The following FOCAD variants were observed in gnomAD, a reference collection of about 807,000 sequenced individuals.
FOCAD encodes the protein KIAA1797.
In FOCAD, 198 loss-of-function variants were observed where a neutral mutation model predicts 225.6. The observed-to-expected ratio is 0.88, with a 90% confidence interval of 0.78 to 0.99. The LOEUF (loss-of-function observed/expected upper bound fraction) is 0.99. Ranked by LOEUF, FOCAD falls within the 50% of genes least tolerant of loss-of-function variation. The pLI is 0.00. For synonymous variants in FOCAD, 897 were observed against 755.0 expected, an observed-to-expected ratio of 1.19 and a Z score of -3.08; for missense variants, 2,713 against 2,123.6, an observed-to-expected ratio of 1.28 and a Z score of -5.46.
intron 35 of FOCAD, among the ~76,000 whole-genome samples, chr9:20,967,439 A>C (rs1223840558): frequency 6.6e-6 from 1 of 152,096 alleles, no homozygotes; most frequent in Non-Finnish European, 1.5e-5. Flanking sequence ...GATTTTCTCT[A>C]TATAGGATCA....
intron 35 of FOCAD, among the ~76,000 whole-genome samples, chr9:20,966,778 C>T (rs555918483): frequency 6.6e-6 from 1 of 152,056 alleles, no homozygotes; most frequent in South Asian, 2.1e-4. Flanking sequence ...ATCATTCTTT[C>T]CCCCATTGAA....
chr9:20,672,344 C>T (rs180926121), intron 2 of FOCAD, among the ~76,000 whole-genome samples: 3 of 152,322 alleles, frequency 2.0e-5, no homozygotes, highest in Admixed American at 2.0e-4. Context: ...GCTGGTTTGA[C>T]TATTGAGCAT....
At chr9:20,847,560 T>A (rs1827243333) in intron 15 of FOCAD, among the ~76,000 whole-genome samples, 2 of 151,872 alleles carry the variant, frequency 1.3e-5, no homozygotes, top group African/African-American at 4.8e-5. Flanking sequence ...TATATTTAGT[T>A]GGTGTGACAA....
At position 20,912,859 on chromosome 9, in the gene FOCAD, T is replaced by C; in HGVS notation, c.2719-7T>C. On this transcript the variant is annotated splice_polypyrimidine_tract_variant and splice_region_variant and intron_variant, in intron 22 of 43. Coordinates refer to ENST00000338382, the MANE Select transcript of FOCAD (RefSeq NM_001375567.1). ...TCACATGCTGATTTATGCTGTGATT[T>C]TTGCAGGGAAGACTAGGAGAGCTGG... 1 of 1,612,190 alleles carries C rather than the reference T, an allele frequency of 6.2e-7. No homozygotes were observed. Among genetic ancestry groups the C allele is most frequent in the Non-Finnish European group, 8.5e-7 (1 of 1,178,658 alleles).
In FOCAD at chr9:20,746,361, G is replaced by A. The variant is rs187617328; in HGVS notation, c.392+6021G>A. ...TTTAGTGCTCTAGGGAGGGGAGGCC[G>A]GGACATTGGCTCAGGAGAAGTAGGC... is the stretch of plus-strand genomic sequence containing the variant. On this transcript the variant is annotated intron_variant, in intron 5 of 43. Coordinates refer to ENST00000338382, the MANE Select transcript of FOCAD (RefSeq NM_001375567.1). Among the ~76,000 whole-genome samples, 135 of 152,218 alleles carry A rather than the reference G, an allele frequency of 8.9e-4. 1 individual carries two copies. The East Asian group carries it at 0.022, about 25-fold the overall frequency.
chr9:20,679,100 G>C (rs1384248622), intron 2 of FOCAD, among the ~76,000 whole-genome samples: 2 of 148,916 alleles, frequency 1.3e-5, no homozygotes, highest in African/African-American at 5.0e-5. Context: ...CAAGGTCAAA[G>C]GGGCAACAGA....
intron 2 of FOCAD, among the ~76,000 whole-genome samples, chr9:20,668,055 A>G (rs535103567): frequency 6.6e-6 from 1 of 152,248 alleles, no homozygotes; most frequent in Non-Finnish European, 1.5e-5. Flanking sequence ...AATGAAATAC[A>G]ATTTAATTGT....
chr9:20,774,071 G>A (rs1423150442), intron 8 of FOCAD, among the ~76,000 whole-genome samples: 1 of 152,204 alleles, frequency 6.6e-6, no homozygotes, highest in East Asian at 1.9e-4. Flanking sequence ...GATCTAGGTT[G>A]TGTGCTCCTT....
At chr9:20,836,941 A>G (rs1012319228) in intron 15 of FOCAD, among the ~76,000 whole-genome samples, 1 of 152,050 alleles carries the variant, frequency 6.6e-6, no homozygotes, top group Non-Finnish European at 1.5e-5. Context: ...CTATATCCCA[A>G]CTTATAATGG....
intron 25 of FOCAD, among the ~76,000 whole-genome samples, chr9:20,925,404 C>T (rs960688353): frequency 1.8e-4 from 27 of 152,008 alleles, no homozygotes; most frequent in African/African-American, 6.3e-4. Context: ...CTTTCTCCTC[C>T]ACCCCAACAC....
chr9:20,736,803 C>T (rs181243106), intron 4 of FOCAD, among the ~76,000 whole-genome samples: 4 of 151,986 alleles, frequency 2.6e-5, no homozygotes, highest in African/African-American at 7.2e-5. Flanking sequence ...ATGTTGAGAC[C>T]CCTAGGCATT....
chr9:20,662,475 G>C (rs1050482244), intron 2 of FOCAD, among the ~76,000 whole-genome samples: 2 of 152,158 alleles, frequency 1.3e-5, no homozygotes, highest in African/African-American at 2.4e-5. Flanking sequence ...CAACTCCGAA[G>C]GGCAATATTA....
intron 24 of FOCAD, among the ~76,000 whole-genome samples, chr9:20,917,620 C>A (rs1420496471): frequency 6.6e-6 from 1 of 151,976 alleles, no homozygotes; most frequent in Non-Finnish European, 1.5e-5. Context: ...TCTCTAACTG[C>A]TGCCATTTCT....
intron 24 of FOCAD, among the ~76,000 whole-genome samples, chr9:20,920,657 T>C (rs2132119373): frequency 6.6e-6 from 1 of 151,188 alleles, no homozygotes; most frequent in Non-Finnish European, 1.5e-5. Context: ...GTTCATGTCC[T>C]TTGTAGGGAC....
At chr9:20,720,555 G>C in intron 4 of FOCAD, 21 bp downstream of exon 4, 1 of 1,610,604 alleles carries the variant, frequency 6.2e-7, no homozygotes, top group Non-Finnish European at 8.5e-7. Flanking sequence ...CTCAGTGTTT[G>C]GTCAGTTAAT....
At chr9:20,891,438 GA>G (rs1831606398) in intron 21 of FOCAD, among the ~76,000 whole-genome samples, 1 of 152,198 alleles carries the variant, frequency 6.6e-6, no homozygotes, top group Non-Finnish European at 1.5e-5. Context: ...TGAATGCAAA[GA>G]AAAGGTTCTT....
At chr9:20,716,247 TCA>T (rs1825324706) in intron 2 of FOCAD, 2 of 372,136 alleles carry the variant, frequency 5.4e-6, no homozygotes, top group Admixed American at 2.1e-5. Flanking sequence ...AGGATACTAT[TCA>T]CAGTTTTATT....
At chr9:20,934,466 G>A (rs143156977) in intron 28 of FOCAD, among the ~76,000 whole-genome samples, 2,039 of 151,416 alleles carry the variant, frequency 0.013, 49 homozygotes, top group African/African-American at 0.047. Context: ...TATCTTACCA[G>A]TTACCCCCAG....
chr9:20,758,071 G>T lies in FOCAD; in HGVS notation c.393-19G>T. ...AGTCCTGAATAACAGGTTCCCATGT[G>T]ACTTTCTGTGTCTTTCAGAAATCAT... is the stretch of plus-strand genomic sequence containing the variant. On this transcript the variant is annotated intron_variant, in intron 5 of 43. Transcript: ENST00000338382. 2.6e-6 allele frequency: 4 copies of T among 1,562,176 alleles called. No individual in the cohort carries two copies. The South Asian group carries it at 3.5e-5, about 14-fold the overall frequency.
Sources: allele counts gnomAD v4.1 joint callset (sites outside exome capture counted in the v4.1 genomes callset), GRCh38; gene constraint gnomAD v4.1.1; transcripts MANE v1.5; gene names NCBI Gene and HGNC (gene_info 2026-07-23, HGNC 2026-07-21).